The following PRELID2 variants were observed in gnomAD, a reference collection of about 807,000 sequenced individuals.
PRELID2 encodes PRELI domain containing 2.
In PRELID2, 25 loss-of-function variants were observed where a neutral mutation model predicts 28.4. The observed-to-expected ratio is 0.88, with a 90% confidence interval of 0.64 to 1.23. The LOEUF (loss-of-function observed/expected upper bound fraction) is 1.23, where lower values mean the gene tolerates loss of function less well. Ranked by LOEUF, PRELID2 falls within the 50% of genes most tolerant of loss-of-function variation. The pLI is 0.00. For missense variants in PRELID2, 201 were observed against 214.4 expected, an observed-to-expected ratio of 0.94 and a Z score of 0.39; for synonymous variants, 76 against 71.6, an observed-to-expected ratio of 1.06 and a Z score of -0.31.
the PRELID2 span, among the ~76,000 whole-genome samples, chr5:145,417,130 C>T: frequency 1.3e-5 from 2 of 152,042 alleles, no homozygotes; most frequent in African/African-American, 2.4e-5. Context: ...TACCTCTATG[C>T]ACATAAACTA....
intron 1 of PRELID2, among the ~76,000 whole-genome samples, chr5:145,497,553 G>C (rs1017215333): frequency 6.6e-6 from 1 of 152,098 alleles, no homozygotes; most frequent in Admixed American, 6.6e-5. Flanking sequence ...TAACTTAGGA[G>C]TGTTATTGTT....
the PRELID2 span, among the ~76,000 whole-genome samples, chr5:145,288,079 A>G: frequency 6.6e-6 from 1 of 152,108 alleles, no homozygotes; most frequent in Non-Finnish European, 1.5e-5. Flanking sequence ...TGACTTGTCT[A>G]TATGAATGTT....
chr5:145,343,007 C>T, the PRELID2 span, among the ~76,000 whole-genome samples: 1 of 151,060 alleles, frequency 6.6e-6, no homozygotes, highest in African/African-American at 2.4e-5. Flanking sequence ...ACTAGAATAC[C>T]TAGATTTATA....
At chr5:145,449,587 G>C in the PRELID2 span, among the ~76,000 whole-genome samples, 104 of 152,160 alleles carry the variant, frequency 6.8e-4, no homozygotes, top group African/African-American at 2.3e-3. Flanking sequence ...TGCAAAAATC[G>C]GAATGCCTGT....
intron 1 of PRELID2, among the ~76,000 whole-genome samples, chr5:145,494,023 T>C (rs1368679049): frequency 1.3e-5 from 2 of 152,188 alleles, no homozygotes; most frequent in Non-Finnish European, 2.9e-5. Context: ...TGATAATAGA[T>C]TCCTGAACAT....
At chr5:145,523,374 C>CA (rs1157429003) in intron 1 of PRELID2, among the ~76,000 whole-genome samples, 1 of 152,154 alleles carries the variant, frequency 6.6e-6, no homozygotes. Context: ...TTCATATATT[C>CA]AATTTGGCCC....
the PRELID2 span, among the ~76,000 whole-genome samples, chr5:145,262,995 C>A: frequency 6.6e-6 from 1 of 152,006 alleles, no homozygotes; most frequent in African/African-American, 2.4e-5. Flanking sequence ...GGGTGGAAAA[C>A]AATATTGCAT....
At chr5:145,806,505 AC>A (rs1349174563) in intron 4 of PRELID2, among the ~76,000 whole-genome samples, 55 of 152,314 alleles carry the variant, frequency 3.6e-4, no homozygotes, top group African/African-American at 1.3e-3. Flanking sequence ...CACTTAAAGT[AC>A]CTGCCTAAGG....
the PRELID2 span, among the ~76,000 whole-genome samples, chr5:145,278,672 A>T: frequency 6.6e-6 from 1 of 152,126 alleles, no homozygotes; most frequent in Non-Finnish European, 1.5e-5. Context: ...ATTTTGCCAG[A>T]AATAAGTCAC....
At chr5:145,260,055 C>A in the PRELID2 span, among the ~76,000 whole-genome samples, 6 of 152,210 alleles carry the variant, frequency 3.9e-5, no homozygotes, top group East Asian at 9.7e-4. Flanking sequence ...AAGTGTGTAA[C>A]ACCTCCCCTC....
At chr5:145,249,649 C>T in the PRELID2 span, among the ~76,000 whole-genome samples, 39 of 152,192 alleles carry the variant, frequency 2.6e-4, no homozygotes, top group African/African-American at 9.4e-4. Context: ...TTTAAAGGTT[C>T]ACCTTCCTTC....
At chr5:145,349,264 A>C in the PRELID2 span, among the ~76,000 whole-genome samples, 1 of 152,124 alleles carries the variant, frequency 6.6e-6, no homozygotes, top group Non-Finnish European at 1.5e-5. Flanking sequence ...ATGTAAGTAA[A>C]TGTCTTCTAA....
intron 1 of PRELID2, among the ~76,000 whole-genome samples, chr5:145,706,698 T>C (rs1755557026): frequency 6.6e-6 from 1 of 152,202 alleles, no homozygotes; most frequent in Non-Finnish European, 1.5e-5. Flanking sequence ...CTAATATGAC[T>C]GAAATATAAA....
At chr5:145,351,087 G>A in the PRELID2 span, among the ~76,000 whole-genome samples, 4 of 152,140 alleles carry the variant, frequency 2.6e-5, no homozygotes, top group Non-Finnish European at 4.4e-5. Flanking sequence ...AGGAAATTGA[G>A]GCCAAAAGAT....
At chr5:145,788,072 T>A (rs1752120821) in intron 5 of PRELID2, among the ~76,000 whole-genome samples, 2 of 152,086 alleles carry the variant, frequency 1.3e-5, no homozygotes, top group Non-Finnish European at 2.9e-5. Flanking sequence ...TTCCTCCTCT[T>A]TGGGTCCCTG....
the PRELID2 span, among the ~76,000 whole-genome samples, chr5:145,445,622 C>A: frequency 6.6e-6 from 1 of 151,930 alleles, no homozygotes; most frequent in Non-Finnish European, 1.5e-5. Flanking sequence ...TGCAAGCTAT[C>A]CAACAGGGGA....
intron 1 of PRELID2, among the ~76,000 whole-genome samples, chr5:145,615,324 TTTG>T (rs570759612): frequency 0.027 from 2,633 of 97,544 alleles, 375 homozygotes; most frequent in African/African-American, 0.13. Context: ...GTCTCTTTTT[TTTG>T]TTTTTTTTTT....
intron 1 of PRELID2, among the ~76,000 whole-genome samples, chr5:145,623,754 G>A (rs756708984): frequency 3.3e-5 from 5 of 152,170 alleles, no homozygotes; most frequent in Admixed American, 6.5e-5. Flanking sequence ...ATAAGGATCT[G>A]AACTCTTTTT....
At chr5:145,346,342 A>G in the PRELID2 span, among the ~76,000 whole-genome samples, 1 of 152,144 alleles carries the variant, frequency 6.6e-6, no homozygotes, top group Non-Finnish European at 1.5e-5. Flanking sequence ...TTTGATTGCT[A>G]AGATGTGTAA....
Sources: allele counts gnomAD v4.1 joint callset (sites outside exome capture counted in the v4.1 genomes callset), GRCh38; gene constraint gnomAD v4.1.1; transcripts MANE v1.5; gene names NCBI Gene and HGNC (gene_info 2026-07-23, HGNC 2026-07-21).